Variants in OAT observed in about 807,000 individuals in gnomAD.
OAT encodes ornithine aminotransferase, also known as ornithine aminotransferase, mitochondrial.
A neutral mutation model predicts 48.4 loss-of-function variants in OAT; 35 were observed. The observed-to-expected ratio is 0.72, with a 90% CI of 0.55 to 0.96. OAT has a LOEUF of 0.96. Among genes scored for constraint, OAT ranks in the 40% least tolerant of loss-of-function variants. OAT has a pLI of 0.00. For missense variants in OAT, 438 were observed against 537.9 expected, an observed-to-expected ratio of 0.81 and a Z score of 1.84; for synonymous variants, 182 against 198.4, an observed-to-expected ratio of 0.92 and a Z score of 0.70.
chr10:124,406,182 A>G, intron 4 of OAT: 1 of 930,250 alleles, frequency 1.1e-6, no homozygotes, highest in Non-Finnish European at 1.3e-6. Flanking sequence ...CTACTATGTC[A>G]GGCATTGTTT....
At chr10:124,406,368 G>A (rs537839406) in intron 4 of OAT, among the ~76,000 whole-genome samples, 7 of 151,990 alleles carry the variant, frequency 4.6e-5, no homozygotes, top group Non-Finnish European at 8.8e-5. Context: ...GTGCACACCT[G>A]TAGTCCCAGC....
At chr10:124,414,156 C>G (rs1164533930) in intron 1 of OAT, 5 of 152,156 alleles carry the variant, frequency 3.3e-5, no homozygotes, top group Non-Finnish European at 7.4e-5. Context: ...CAACAGAAGT[C>G]TACCAATGAC....
chr10:124,407,048 T>C, intron 4 of OAT: 1 of 985,436 alleles, frequency 1.0e-6, no homozygotes, highest in Non-Finnish European at 1.2e-6. Context: ...AGCAACTCCA[T>C]TAATCAGTGC....
chr10:124,398,199 A>C, intron 9 of OAT, 97 bp from the exon 10 acceptor site: 1 of 1,363,322 alleles, frequency 7.3e-7, no homozygotes, highest in Non-Finnish European at 1.0e-6. Flanking sequence ...AAACAAAATT[A>C]ACAGAACTTG....
chr10:124,417,478 T>A (rs4246188), intron 1 of OAT, among the ~76,000 whole-genome samples: 52,333 of 151,736 alleles, frequency 0.34, 10,317 homozygotes, highest in East Asian at 0.62. Context: ...AGAGAAAGGG[T>A]TTCACCATGT....
chr10:124,412,235 A>C, intron 1 of OAT, 35 bp from the exon 2 acceptor site: 5 of 1,499,914 alleles, frequency 3.3e-6, no homozygotes, highest in African/African-American at 1.4e-5. Context: ...TAAGAGTGAG[A>C]ATCCTTGGCT....
chr10:124,408,416 G>A, intron 4 of OAT, 126 bp downstream of exon 4: 1 of 709,958 alleles, frequency 1.4e-6, no homozygotes, highest in Non-Finnish European at 2.4e-6. Flanking sequence ...GAACTCCAGG[G>A]CTCAAAGACT....
Position 124,405,504 on chromosome 10 carries a change from A to G in OAT, c.580T>C (p.Tyr194His). The G allele has an allele frequency of 6.2e-7, 1 of 1,614,150 alleles. No individual in the cohort carries two copies. Among genetic ancestry groups the G allele is most frequent in the Non-Finnish European group, 8.5e-7 (1 of 1,180,010 alleles). The change falls in exon 5 of 10, where the codon TAC becomes CAC. Residue 194 changes from tyrosine to histidine, a missense_variant. Tyr to His is a moderately conservative substitution (Grantham distance 83). Coordinates refer to ENST00000368845, the MANE Select transcript of OAT (RefSeq NM_000274.4). ...GGCATAAATGGTCCAAAACCATCGT[A>G]ACTGGTTGGGTCTGTGGAACTGGAG... ...AISSSTDPTS[Y>H]DGFGPFMPGF...
intron 2 of OAT, among the ~76,000 whole-genome samples, chr10:124,409,959 G>A (rs944637768): frequency 6.6e-6 from 1 of 152,106 alleles, no homozygotes; most frequent in African/African-American, 2.4e-5. Context: ...CATTGCTAGT[G>A]GGAAAGTAAA....
intron 7 of OAT, among the ~76,000 whole-genome samples, chr10:124,402,511 G>T (rs555122673): frequency 1.9e-4 from 29 of 152,196 alleles, no homozygotes; most frequent in African/African-American, 6.8e-4. Flanking sequence ...CTCTGATGTA[G>T]TAACAATTAC....
At chr10:124,413,738 TAG>T (rs1289149588) in intron 1 of OAT, among the ~76,000 whole-genome samples, 1 of 152,110 alleles carries the variant, frequency 6.6e-6, no homozygotes, top group Non-Finnish European at 1.5e-5. Flanking sequence ...ACTGAGAAAC[TAG>T]AGAGAGTCAA....
In OAT at chr10:124,399,600, C is replaced by T. The variant is rs896975045; in HGVS notation, c.1159+1240G>A. Among the ~76,000 whole-genome samples the T allele has an allele frequency of 1.2e-4, 18 of 152,078 alleles. 1 individual carries two copies. The highest frequency in any genetic ancestry group is 1.1e-3 in the Admixed American group (17 of 15,244). On this transcript the variant is annotated intron_variant, in intron 9 of 9. Transcript: ENST00000368845. ...AACCTCGTGATCCACCCGTCTCGGC[C>T]TCCCAAAGTGCTGGGATTACAGGCA...
chr10:124,412,080 T>G lies in OAT; in HGVS notation c.92A>C (p.Lys31Thr). The change falls in exon 2 of 10, where the codon AAA (lysine) becomes ACA (threonine). Residue 31 changes from lysine to threonine, a missense_variant. Physicochemically the swap from Lys to Thr is moderately conservative, Grantham distance 78. Transcript: ENST00000368845. ...GGTTGGAGGGCCTTGGACTGTTTTT[T>G]TAGTTGCAACAGATGTAGCAGAAGC... The part of the protein sequence containing the change: ...SVASATSVAT[K>T]KTVQGPPTSD... The G allele has an allele frequency of 2.5e-6, 4 of 1,614,228 alleles. No individual in the cohort carries two copies. Among genetic ancestry groups the G allele is most frequent in the Non-Finnish European group, 3.4e-6 (4 of 1,180,044 alleles).
chr10:124,398,973 T>C (rs1046009526), intron 9 of OAT, among the ~76,000 whole-genome samples: 2 of 151,808 alleles, frequency 1.3e-5, no homozygotes, highest in African/African-American at 4.8e-5. Context: ...GCCAAGATCA[T>C]GCCACTGTAC....
In OAT at chr10:124,402,979, A is replaced by T; in HGVS notation, c.848T>A (p.Val283Asp). ...TCCAAGGAGGACTATATCAGGTCTG[A>T]CATTTTCATAATCAACAGCCAGCCA... ...GRWLAVDYEN[V>D]RPDIVLLGKA... The change falls in exon 7 of 10, where the codon GTC becomes GAC. Residue 283 changes from valine (V) to aspartate (D), a missense_variant. Transcript: ENST00000368845. 1 of 1,614,158 alleles carries T rather than the reference A, an allele frequency of 6.2e-7. No homozygotes were observed. The highest frequency in any genetic ancestry group is 8.5e-7 in the Non-Finnish European group (1 of 1,180,014).
At chr10:124,416,866 T>TAAAAAAAAA in intron 1 of OAT, among the ~76,000 whole-genome samples, 1 of 144,424 alleles carries the variant, frequency 6.9e-6, no homozygotes, top group Non-Finnish European at 1.5e-5. Flanking sequence ...TACAGGCCTT[T>TAAAAAAAAA]AAAAAAAAAA....
chr10:124,402,047 T>C (rs757720767), intron 7 of OAT, among the ~76,000 whole-genome samples: 2 of 143,310 alleles, frequency 1.4e-5, no homozygotes, highest in African/African-American at 6.0e-5. Flanking sequence ...ACACCACACA[T>C]GTTATTTATT....
intron 1 of OAT, chr10:124,415,044 A>G (rs1224239602): frequency 1.6e-5 from 2 of 128,354 alleles, no homozygotes; most frequent in Non-Finnish European, 3.2e-5. Context: ...GATCTGTGCC[A>G]CCAGCACTCC....
chr10:124,405,995 ACT>A, intron 4 of OAT: 1 of 1,074,308 alleles, frequency 9.3e-7, no homozygotes, highest in East Asian at 7.6e-5. Context: ...AAACTCCAAT[ACT>A]GCAGGCTAAC....
Sources: gnomAD v4.1 joint callset for allele counts (sites outside exome capture counted in the v4.1 genomes callset) on GRCh38, gnomAD v4.1.1 for gene constraint, MANE v1.5 for transcripts, NCBI Gene and HGNC (gene_info 2026-07-23, HGNC 2026-07-21) for gene names.